Variants in NEDD9 observed in about 807,000 individuals in gnomAD.
NEDD9 encodes the protein neural precursor cell expressed, developmentally down-regulated 9.
In NEDD9, 26 loss-of-function variants were observed where a neutral mutation model predicts 76.6. That is an observed-to-expected ratio of 0.34 (90% CI 0.25 to 0.47). The LOEUF is 0.47. NEDD9 is among the 20% of genes least tolerant of loss of function. The pLI is 1.00. For missense variants in NEDD9, 937 were observed against 1,058.5 expected, an observed-to-expected ratio of 0.89 and a Z score of 1.59; for synonymous variants, 392 against 414.2, an observed-to-expected ratio of 0.95 and a Z score of 0.65.
At chr6:11,242,945 T>A (rs1231412229) in intron 3 of NEDD9, among the ~76,000 whole-genome samples, 1 of 148,604 alleles carries the variant, frequency 6.7e-6, no homozygotes. Flanking sequence ...CTACAAAGAG[T>A]CATGCCAAGT....
chr6:11,231,380 T>C (rs1341614291), intron 1 of NEDD9, among the ~76,000 whole-genome samples: 42 of 152,206 alleles, frequency 2.8e-4, no homozygotes, highest in Non-Finnish European at 1.5e-5. Context: ...AAAAGCTTTA[T>C]TACTGAGGCT....
chr6:11,185,276 G>T lies in NEDD9; in HGVS notation c.2391C>A (p.Ala797=), dbSNP rs77602464. ...CCGTGGTGCTGGGGTAATGGAGGGC[G>T]GCCATCTTGGTTGCCATGACTATGG... ...LKTIVMATKM[A]ALHYPSTTAL... Residue 797 remains alanine (A), a synonymous_variant, in exon 7 of 7, where the codon GCC becomes GCA. Coordinates refer to ENST00000379446, the MANE Select transcript of NEDD9 (RefSeq NM_006403.4). 2.2e-4 allele frequency: 361 copies of T among 1,614,102 alleles called. 2 individuals are homozygous for T. In the East Asian group the frequency reaches 7.4e-3, roughly 33 times the overall value.
intron 1 of NEDD9, among the ~76,000 whole-genome samples, chr6:11,337,351 T>C (rs77824546): frequency 2.6e-5 from 4 of 152,344 alleles, no homozygotes; most frequent in African/African-American, 9.6e-5. Context: ...AAAAGTATAC[T>C]ATAGTAAAAA....
At chr6:11,248,295 G>T (rs1392402205) in intron 3 of NEDD9, among the ~76,000 whole-genome samples, 1 of 152,104 alleles carries the variant, frequency 6.6e-6, no homozygotes, top group Non-Finnish European at 1.5e-5. Flanking sequence ...AGCTAAGTGC[G>T]CCATCTCTTC....
chr6:11,236,955 G>C (rs1338786288), upstream of NEDD9, among the ~76,000 whole-genome samples: 1 of 152,086 alleles, frequency 6.6e-6, no homozygotes, highest in Non-Finnish European at 1.5e-5. This position sits in a 1 kb window ranked among gnomAD's most constrained non-coding sequence, Gnocchi z 5.5. Flanking sequence ...GGAGTGTGGG[G>C]TTGCCGGGAA....
In NEDD9 at chr6:11,185,073, A is replaced by C; in HGVS notation, c.*89T>G. On this transcript the variant is annotated 3_prime_UTR_variant, in exon 7 of 7. Transcript: ENST00000379446. Reference sequence around the variant, plus strand: ...TTTCATTTTTATATAAAATATCTACAAAAATAGATAACATTTACAAAAACC... The same window carrying C: ...TTTCATTTTTATATAAAATATCTACCAAAATAGATAACATTTACAAAAACC... 1.7e-5 allele frequency: 24 copies of C among 1,393,674 alleles called. No homozygotes were observed. The highest frequency in any genetic ancestry group is 2.2e-5 in the Non-Finnish European group (23 of 1,036,288). The allele number at this position is 1,393,674 out of a possible 1,614,324, so 86.3% of individuals were successfully genotyped here. A position where few individuals can be genotyped will look rare whatever the true frequency, so the allele number is the denominator to read the frequency against.
chr6:11,331,152 C>T lies in NEDD9; in HGVS notation c.-153+3349G>A, dbSNP rs547595510. On this transcript the variant is annotated intron_variant, in intron 2 of 3. Transcript: ENST00000397378. ...CTCAAATGTGAGCTTCTGGTAGTAT[C>T]GGCTTTGGTGATCTCCATGGGGAAC... 2.4e-4 allele frequency among the ~76,000 whole-genome samples: 36 copies of T among 152,300 alleles called. No individual in the cohort carries two copies. The South Asian group carries it at 5.4e-3, about 23-fold the overall frequency.
intron 2 of NEDD9, among the ~76,000 whole-genome samples, chr6:11,306,510 T>C (rs1388632343): frequency 6.6e-6 from 1 of 152,184 alleles, no homozygotes; most frequent in Non-Finnish European, 1.5e-5. Context: ...TCTTGAGAGA[T>C]GGGTAGACGT....
intron 1 of NEDD9, among the ~76,000 whole-genome samples, chr6:11,218,511 A>G (rs1648075045): frequency 6.6e-6 from 1 of 152,164 alleles, no homozygotes; most frequent in East Asian, 1.9e-4. Context: ...TTACAGTACA[A>G]CTTGGATTGC....
intron 3 of NEDD9, among the ~76,000 whole-genome samples, chr6:11,269,079 G>T (rs1358921566): frequency 6.6e-6 from 1 of 152,198 alleles, no homozygotes; most frequent in Non-Finnish European, 1.5e-5. Context: ...GTGAAGTTAA[G>T]CCATTCACTA....
At chr6:11,277,940 G>A (rs1347881951) in intron 3 of NEDD9, among the ~76,000 whole-genome samples, 2 of 152,118 alleles carry the variant, frequency 1.3e-5, no homozygotes, top group African/African-American at 2.4e-5. Flanking sequence ...CTTGCCTCTT[G>A]AGAAGCTGAG....
At chr6:11,366,338 GAGAA>G (rs768373358) in intron 1 of NEDD9, among the ~76,000 whole-genome samples, 29 of 131,764 alleles carry the variant, frequency 2.2e-4, no homozygotes, top group African/African-American at 6.6e-4. Context: ...GAAAGACAGA[GAGAA>G]AGAAAGAAAG....
At position 11,237,777 on chromosome 6, in the gene NEDD9, C is replaced by T. The variant is rs906743085; in HGVS notation, c.13-24050G>A. On this transcript the variant is annotated intron_variant, in intron 3 of 3. Transcript: ENST00000397378. This position sits in a 1 kb window ranked among gnomAD's most constrained non-coding sequence, Gnocchi z 4.9. ...TATTTGGTTGTCTCTAGAAGTTTGC[C>T]GACCCACACTCTAGATTAGTGCAAG... Among the ~76,000 whole-genome samples the T allele has an allele frequency of 6.6e-6, 1 of 152,032 alleles. No homozygotes were observed. The highest frequency in any genetic ancestry group is 1.5e-5 in the Non-Finnish European group (1 of 68,020).
chr6:11,380,443 T>G (rs1763042053), intron 1 of NEDD9, among the ~76,000 whole-genome samples: 1 of 152,226 alleles, frequency 6.6e-6, no homozygotes, highest in South Asian at 2.1e-4. Context: ...CTGGAATATT[T>G]ACAGCCTTTG....
At chr6:11,291,305 C>T (rs2327395) in intron 3 of NEDD9, among the ~76,000 whole-genome samples, 43,738 of 130,716 alleles carry the variant, frequency 0.33, 7,954 homozygotes, top group African/African-American at 0.5. Flanking sequence ...GACGGAGTCT[C>T]GCTCTGTCGC....
At chr6:11,325,674 C>T (rs373997255) in intron 2 of NEDD9, among the ~76,000 whole-genome samples, 4 of 152,160 alleles carry the variant, frequency 2.6e-5, no homozygotes, top group South Asian at 4.1e-4. Flanking sequence ...AAAAAAGCGG[C>T]TTTTATTTTA....
chr6:11,355,616 C>T (rs1001709777), intron 1 of NEDD9, among the ~76,000 whole-genome samples: 4 of 152,074 alleles, frequency 2.6e-5, no homozygotes, highest in African/African-American at 9.7e-5. Flanking sequence ...CTTTTCTGAG[C>T]CTTGGTTTCT....
rs1259049337 is a variant in NEDD9 at position 11,370,499 on chromosome 6, C to T, written c.-214+11640G>A. Reference sequence around the variant, plus strand: ...CATTCCAGTCCAAATGGTTCCCTCACCGACCCACTAGGTGCACAAGGCTCT... The same window carrying T: ...CATTCCAGTCCAAATGGTTCCCTCATCGACCCACTAGGTGCACAAGGCTCT... On this transcript the variant is annotated intron_variant, in intron 1 of 3. Transcript: ENST00000397378. This position sits in a 1 kb window ranked among gnomAD's most constrained non-coding sequence, Gnocchi z 4.2. 6.6e-6 allele frequency among the ~76,000 whole-genome samples: 1 copy of T among 152,190 alleles called. No homozygotes were observed. Among genetic ancestry groups the T allele is most frequent in the Non-Finnish European group, 1.5e-5 (1 of 68,038 alleles).
intron 1 of NEDD9, among the ~76,000 whole-genome samples, chr6:11,378,217 T>G (rs531675271): frequency 6.6e-6 from 1 of 152,304 alleles, no homozygotes; most frequent in East Asian, 1.9e-4. Flanking sequence ...CACTCCAGCC[T>G]GGGTGACAGA....
Sources: allele counts gnomAD v4.1 joint callset (sites outside exome capture counted in the v4.1 genomes callset), GRCh38; gene constraint gnomAD v4.1.1; non-coding constraint Gnocchi (gnomAD v3.1); transcripts MANE v1.5; gene names NCBI Gene and HGNC (gene_info 2026-07-23, HGNC 2026-07-21).